CHCHD3: variants seen among roughly 807,000 people sequenced by gnomAD.
The protein encoded by CHCHD3 is coiled-coil-helix-coiled-coil-helix domain containing 3.
CHCHD3 carries 20 observed loss-of-function variants against 38.2 expected under a neutral mutation model. The ratio of observed to expected loss-of-function variants is 0.52; its 90% CI spans 0.37 to 0.76. CHCHD3 has a LOEUF of 0.76. Ranked by LOEUF, CHCHD3 falls within the 30% of genes least tolerant of loss-of-function variation. CHCHD3 has a pLI of 0.00. For missense variants in CHCHD3, 245 were observed against 279.2 expected, an observed-to-expected ratio of 0.88 and a Z score of 0.87; for synonymous variants, 82 against 100.0, an observed-to-expected ratio of 0.82 and a Z score of 1.07.
chr7:132,848,877 C>G (rs1227090403), intron 5 of CHCHD3, among the ~76,000 whole-genome samples: 2 of 152,098 alleles, frequency 1.3e-5, no homozygotes, highest in Admixed American at 6.5e-5. Flanking sequence ...TCCTTTTATC[C>G]CCTACCCTCC....
chr7:132,926,270 G>T (rs1318147127), intron 4 of CHCHD3, among the ~76,000 whole-genome samples: 1 of 152,212 alleles, frequency 6.6e-6, no homozygotes, highest in East Asian at 1.9e-4. Context: ...AGTTTGGAAA[G>T]GGGTAGAGGG....
intron 3 of CHCHD3, among the ~76,000 whole-genome samples, chr7:133,003,065 A>T (rs1812612419): frequency 6.6e-6 from 1 of 152,244 alleles, no homozygotes; most frequent in Admixed American, 6.5e-5. Context: ...TAAGCAGCCA[A>T]GGAGGTCAAT....
intron 4 of CHCHD3, chr7:132,887,057 A>G (rs930961717): frequency 1.5e-5 from 12 of 809,062 alleles, no homozygotes; most frequent in Non-Finnish European, 2.0e-5. Context: ...CTAATTTCAC[A>G]CACACACAAA....
intron 5 of CHCHD3, among the ~76,000 whole-genome samples, chr7:132,855,508 G>T (rs1808323735): frequency 6.6e-6 from 1 of 152,164 alleles, no homozygotes; most frequent in Non-Finnish European, 1.5e-5. Context: ...AGTGGCAAAG[G>T]ACCATCAATC....
chr7:132,904,440 G>A (rs1225340388), intron 4 of CHCHD3, among the ~76,000 whole-genome samples: 3 of 152,104 alleles, frequency 2.0e-5, no homozygotes, highest in Admixed American at 2.0e-4. Context: ...AGCATACTAA[G>A]CAATATCTCA....
chr7:132,871,757 CTG>C (rs141631334), intron 5 of CHCHD3, among the ~76,000 whole-genome samples: 7,489 of 152,270 alleles, frequency 0.049, 223 homozygotes, highest in East Asian at 0.11. Context: ...GCTTCAGTGA[CTG>C]TGTGTCACAG....
chr7:132,865,025 T>C (rs943626424), intron 5 of CHCHD3, among the ~76,000 whole-genome samples: 10 of 152,170 alleles, frequency 6.6e-5, no homozygotes, highest in African/African-American at 2.4e-4. Flanking sequence ...TAAAATGAAT[T>C]TCAATTTGTC....
At chr7:132,974,646 C>T (rs766693527) in intron 4 of CHCHD3, among the ~76,000 whole-genome samples, 5 of 152,074 alleles carry the variant, frequency 3.3e-5, no homozygotes, top group Non-Finnish European at 5.9e-5. Context: ...GAAGCCGAGG[C>T]GGGTGGATCA....
At chr7:132,870,572 C>T (rs969506127) in intron 5 of CHCHD3, among the ~76,000 whole-genome samples, 1 of 151,468 alleles carries the variant, frequency 6.6e-6, no homozygotes, top group East Asian at 1.9e-4. Context: ...TCCACATCCC[C>T]AAGGAAGTAC....
intron 2 of CHCHD3, among the ~76,000 whole-genome samples, chr7:133,067,789 A>G (rs561571572): frequency 6.6e-6 from 1 of 152,192 alleles, no homozygotes; most frequent in Non-Finnish European, 1.5e-5. Flanking sequence ...TTATCTGTCA[A>G]AAAAAACTTT....
intron 6 of CHCHD3, among the ~76,000 whole-genome samples, chr7:132,807,622 T>TATATA (rs1412690903): frequency 8.1e-6 from 1 of 122,878 alleles, no homozygotes; most frequent in Non-Finnish European, 1.6e-5. Context: ...TATATATATA[T>TATATA]ATATATATAT....
intron 6 of CHCHD3, among the ~76,000 whole-genome samples, chr7:132,812,255 C>T (rs942375299): frequency 2.5e-5 from 3 of 119,556 alleles, no homozygotes; most frequent in Admixed American, 1.2e-4. Context: ...GTAGCCCAGG[C>T]TGGAATGCAG....
At chr7:133,007,193 T>G (rs1360656623) in intron 3 of CHCHD3, among the ~76,000 whole-genome samples, 1 of 152,112 alleles carries the variant, frequency 6.6e-6, no homozygotes, top group Non-Finnish European at 1.5e-5. Context: ...CTGTTACAGG[T>G]GGGGTAATGA....
Position 132,890,437 on chromosome 7 carries a change from C to T in CHCHD3, c.370-4692G>A, listed in dbSNP as rs545797084. 2.1e-4 allele frequency among the ~76,000 whole-genome samples: 32 copies of T among 152,270 alleles called. No individual in the cohort carries two copies. The South Asian group carries it at 6.0e-3, about 29-fold the overall frequency. On this transcript the variant is annotated intron_variant, in intron 4 of 7. Transcript: ENST00000262570. ...TAGCACACACTTTTCGGCATTACTA[C>T]GCCCTTTTAGCCCTGGTTGCTCCTG...
intron 4 of CHCHD3, chr7:132,972,873 A>G (rs1158183186): frequency 6.1e-6 from 6 of 985,466 alleles, no homozygotes; most frequent in Non-Finnish European, 7.2e-6. Context: ...AGAATGTACG[A>G]GGCCAGTTTC....
At chr7:132,802,130 C>A (rs1324098629) in intron 6 of CHCHD3, among the ~76,000 whole-genome samples, 1 of 152,172 alleles carries the variant, frequency 6.6e-6, no homozygotes, top group Non-Finnish European at 1.5e-5. Context: ...GTAAGGTGAG[C>A]AAACAACTTT....
intron 3 of CHCHD3, among the ~76,000 whole-genome samples, chr7:132,996,954 T>A (rs1194954561): frequency 2.0e-5 from 3 of 152,232 alleles, no homozygotes; most frequent in Non-Finnish European, 4.4e-5. Flanking sequence ...GTAAACAGCA[T>A]CTACTTATAC....
chr7:132,884,475 A>G (rs1327934850), intron 5 of CHCHD3, among the ~76,000 whole-genome samples: 1 of 152,168 alleles, frequency 6.6e-6, no homozygotes, highest in East Asian at 1.9e-4. Context: ...GCTTAAGTAA[A>G]TATCTGCTAC....
chr7:133,044,720 C>T (rs1490051920), intron 2 of CHCHD3, among the ~76,000 whole-genome samples: 1 of 152,172 alleles, frequency 6.6e-6, no homozygotes, highest in Admixed American at 6.5e-5. Flanking sequence ...TTAGAAAGCC[C>T]AAGGCTGGAA....
Sources: allele counts gnomAD v4.1 joint callset (sites outside exome capture counted in the v4.1 genomes callset), GRCh38; gene constraint gnomAD v4.1.1; transcripts MANE v1.5; gene names NCBI Gene and HGNC (gene_info 2026-07-23, HGNC 2026-07-21).